TRIOBP: variants seen among roughly 807,000 people sequenced by gnomAD.
TRIOBP encodes the protein TRIO and F-actin-binding protein.
A neutral mutation model predicts 238.8 loss-of-function variants in TRIOBP; 169 were observed. The ratio of observed to expected loss-of-function variants is 0.71; its 90% CI spans 0.62 to 0.80. The LOEUF is 0.80. TRIOBP is among the 30% of genes least tolerant of loss of function. The probability of loss-of-function intolerance (pLI) is 0.00; values close to 1 mark genes in which losing one functional copy is unlikely to be tolerated. For missense variants in TRIOBP, 2,838 were observed against 3,122.6 expected, an observed-to-expected ratio of 0.91 and a Z score of 2.17; for synonymous variants, 1,150 against 1,274.4, an observed-to-expected ratio of 0.90 and a Z score of 2.08.
At chr22:37,714,141 A>G (rs1000549450) in intron 5 of TRIOBP, among the ~76,000 whole-genome samples, 5 of 152,102 alleles carry the variant, frequency 3.3e-5, no homozygotes, top group African/African-American at 1.2e-4. Context: ...GGAGCAACTT[A>G]GTGGAGGCCA....
In TRIOBP at chr22:37,769,431, G is replaced by A. The variant is rs969102844; in HGVS notation, c.6849+56G>A. 20 of 1,484,654 alleles carry A rather than the reference G, an allele frequency of 1.3e-5. No individual in the cohort carries two copies. The African/African-American group carries it at 2.2e-4, about 16-fold the overall frequency. The allele number at this position is 1,484,654 out of a possible 1,614,324, so 92.0% of individuals were successfully genotyped here. On this transcript the variant is annotated intron_variant, in intron 21 of 23. Coordinates refer to ENST00000644935, the MANE Select transcript of TRIOBP (RefSeq NM_001039141.3). ...AGTGGTTCTCGGGGCCCGGGGCTAT[G>A]GGGCACCCCCGCCATAGGCTGGGTA...
intron 3 of TRIOBP, among the ~76,000 whole-genome samples, chr22:37,708,320 G>T (rs1426158477): frequency 8.6e-5 from 13 of 151,676 alleles, no homozygotes; most frequent in Non-Finnish European, 1.9e-4. Context: ...TTTGGCCGAG[G>T]CAGGCAGATC....
rs60933253 is a variant in TRIOBP at position 37,702,987 on chromosome 22, CT to C, written c.114+1516del. Among the ~76,000 whole-genome samples, 1,320 of 151,522 alleles carry C rather than the reference CT, an allele frequency of 8.7e-3. 8 individuals carry two copies. The highest frequency in any genetic ancestry group is 0.023 in the African/African-American group (948 of 41,330). On this transcript the variant is annotated intron_variant, in intron 3 of 23. Transcript: ENST00000644935. ...GTTATTGAAGGAGTGAAGAAGAATC[CT>C]TTTTTTTCTTTCTTTTTTTTTCATT...
chr22:37,727,797 T>C (rs1924245528), intron 7 of TRIOBP, among the ~76,000 whole-genome samples: 1 of 152,216 alleles, frequency 6.6e-6, no homozygotes, highest in South Asian at 2.1e-4. Context: ...TGAGTCTCCT[T>C]GGTCAGCAGC....
At chr22:37,720,268 C>T (rs999887917) in intron 6 of TRIOBP, among the ~76,000 whole-genome samples, 5 of 152,070 alleles carry the variant, frequency 3.3e-5, no homozygotes, top group South Asian at 4.1e-4. Context: ...CCGCCTGCCT[C>T]GGCTTCCCAA....
At chr22:37,741,552 G>C (rs1174191584) in intron 11 of TRIOBP, among the ~76,000 whole-genome samples, 1 of 152,220 alleles carries the variant, frequency 6.6e-6, no homozygotes, top group Non-Finnish European at 1.5e-5. Context: ...TTCACAGCAG[G>C]ACAGAAGGGG....
chr22:37,766,212 G>A (rs1926487662), intron 18 of TRIOBP, among the ~76,000 whole-genome samples: 1 of 152,224 alleles, frequency 6.6e-6, no homozygotes, highest in Non-Finnish European at 1.5e-5. Flanking sequence ...GGGGAGAGCA[G>A]GGGAAGGTGT....
chr22:37,751,666 C>T lies in TRIOBP; in HGVS notation c.5323-106C>T, dbSNP rs539992601. The T allele has an allele frequency of 3.0e-3, 4,020 of 1,337,872 alleles. 6 individuals carry two copies. Among genetic ancestry groups the T allele is most frequent in the Non-Finnish European group, 3.9e-3 (3,702 of 942,688 alleles). 82.9% of individuals were successfully genotyped at this position (1,337,872 alleles called of 1,614,324 possible). ...CCTCTTGGCTGGCTTCCCAGGAGCT[C>T]GGTCCCACAGGACTTGGGGACAGGG... On this transcript the variant is annotated intron_variant, in intron 11 of 23. Coordinates refer to ENST00000644935, the MANE Select transcript of TRIOBP (RefSeq NM_001039141.3).
Position 37,723,362 on chromosome 22 carries a change from C to T in TRIOBP, c.806C>T (p.Ala269Val). The T allele has an allele frequency of 6.2e-7, 1 of 1,614,102 alleles. No individual in the cohort carries two copies. Reference sequence around the variant, plus strand: ...CCTGCCCAAAGGGACACTGCTCAGGCTGCCTCTACACGTGAAATCCCCAGA... The same window carrying T: ...CCTGCCCAAAGGGACACTGCTCAGGTTGCCTCTACACGTGAAATCCCCAGA... ...ASPAQRDTAQAASTREIPRAS... is the reference protein window; with the variant it reads ...ASPAQRDTAQVASTREIPRAS... The change falls in exon 7 of 24, where the codon GCT becomes GTT. Residue 269 changes from alanine (A) to valine (V), a missense_variant. Ala to Val is a moderately conservative substitution (Grantham distance 64). Coordinates refer to ENST00000644935, the MANE Select transcript of TRIOBP (RefSeq NM_001039141.3).
chr22:37,741,674 C>T (rs114884297), intron 11 of TRIOBP, among the ~76,000 whole-genome samples: 86 of 152,326 alleles, frequency 5.6e-4, no homozygotes, highest in African/African-American at 2.0e-3. Context: ...GGCTGGGCAC[C>T]TCAGAGACAG....
chr22:37,747,585 C>G (rs1359166776), intron 11 of TRIOBP, among the ~76,000 whole-genome samples: 1 of 152,224 alleles, frequency 6.6e-6, no homozygotes. Flanking sequence ...CCCTTCCTGT[C>G]GTCAGCAGCC....
Position 37,772,852 on chromosome 22 carries a change from A to C in TRIOBP, c.*2+88A>C, listed in dbSNP as rs1926852915. Reference sequence around the variant, plus strand: ...CTCCCTGGACCACCCCAGCCAGGCCACTTCCTTCTTCTGGCCTCCAATTCC... The same window carrying C: ...CTCCCTGGACCACCCCAGCCAGGCCCCTTCCTTCTTCTGGCCTCCAATTCC... On this transcript the variant is annotated intron_variant, in intron 23 of 23. Transcript: ENST00000644935. 6 of 1,513,878 alleles carry C rather than the reference A, an allele frequency of 4.0e-6. No homozygotes were observed. In the African/African-American group the frequency reaches 6.9e-5, roughly 17 times the overall value. 93.8% of individuals were successfully genotyped at this position (1,513,878 alleles called of 1,614,324 possible). A position where few individuals can be genotyped will look rare whatever the true frequency, so the allele number is the denominator to read the frequency against.
intron 11 of TRIOBP, among the ~76,000 whole-genome samples, chr22:37,742,311 G>A (rs946814616): frequency 7.5e-5 from 11 of 145,802 alleles, no homozygotes; most frequent in Non-Finnish European, 1.6e-4. Context: ...CCCCCAGACT[G>A]GAGTGCAGTG....
rs759462650 is a variant in TRIOBP at position 37,701,407 on chromosome 22, G to A, written c.42G>A (p.Glu14=). The change falls in exon 3 of 24, where the codon GAG becomes GAA. Residue 14 remains glutamate (E), a synonymous_variant. Transcript: ENST00000644935. ...VPGDALCEHF[E]ANILTQNRCQ... ...GGGATGCCCTGTGTGAACACTTTGA[G>A]GCCAACATACTTACCCAGAACCGCT... The A allele has an allele frequency of 2.6e-5, 42 of 1,613,846 alleles. No homozygotes were observed. The South Asian group carries it at 4.3e-4, about 16-fold the overall frequency.
At position 37,769,252 on chromosome 22, in the gene TRIOBP, C is replaced by G. The variant is rs992289407; in HGVS notation, c.6736-10C>G. 2.5e-6 allele frequency: 4 copies of G among 1,608,102 alleles called. No homozygotes were observed. The Admixed American group carries it at 5.0e-5, about 20-fold the overall frequency. On this transcript the variant is annotated splice_polypyrimidine_tract_variant and intron_variant, in intron 20 of 23. Transcript: ENST00000644935. ...CGGCACCCCTCCCCTGACCACCGTG[C>G]CTCTCCCAGGAGCTGCATGGCCGCC...
In TRIOBP at chr22:37,724,553, C is replaced by T; in HGVS notation, c.1997C>T (p.Thr666Ile). The change falls in exon 7 of 24, where the codon ACC becomes ATC. Residue 666 changes from threonine (T) to isoleucine (I), a missense_variant. By Grantham distance (89) the Thr-to-Ile change is moderately conservative. Coordinates refer to ENST00000644935, the MANE Select transcript of TRIOBP (RefSeq NM_001039141.3). ...DDPRASSPNRTIQQENPRTSC... is the reference protein window; with the variant it reads ...DDPRASSPNRIIQQENPRTSC... ...CCCAGAGCCTCCTCTCCTAACAGAA[C>T]CATCCAACAAGAGAACCCCAGAACA... is the stretch of plus-strand genomic sequence containing the variant. 6.3e-7 allele frequency: 1 copy of T among 1,597,944 alleles called. No individual in the cohort carries two copies. Among genetic ancestry groups the T allele is most frequent in the Non-Finnish European group, 8.5e-7 (1 of 1,171,578 alleles).
intron 6 of TRIOBP, among the ~76,000 whole-genome samples, chr22:37,716,574 C>G (rs1200266473): frequency 2.0e-5 from 3 of 152,168 alleles, no homozygotes; most frequent in African/African-American, 7.2e-5. Flanking sequence ...GGATTACAGG[C>G]ACCCGCCACC....
Position 37,735,048 on chromosome 22 carries a change from A to G in TRIOBP, c.4712A>G (p.Glu1571Gly), listed in dbSNP as rs760263878. Residue 1571 changes from glutamate to glycine, a missense_variant, in exon 9 of 24, where the codon GAG (glutamate) becomes GGG (glycine). By Grantham distance (98) the Glu-to-Gly change is moderately conservative. Coordinates refer to ENST00000644935, the MANE Select transcript of TRIOBP (RefSeq NM_001039141.3). The part of the protein sequence containing the change: ...DLLGLLRAPG[E>G]GVWARVPSLD... ...CTTGGCCTTCTCCGGGCACCAGGAG[A>G]GGGGGTCTGGGCCCGTGTCCCCAGC... 3.1e-6 allele frequency: 5 copies of G among 1,607,700 alleles called. No homozygotes were observed. The highest frequency in any genetic ancestry group is 4.3e-6 in the Non-Finnish European group (5 of 1,175,844).
intron 11 of TRIOBP, among the ~76,000 whole-genome samples, chr22:37,748,328 A>G (rs1222182979): frequency 2.0e-5 from 3 of 152,206 alleles, no homozygotes; most frequent in South Asian, 4.1e-4. Flanking sequence ...TCAGGGATCC[A>G]TACAGAGCAA....
Sources: gnomAD v4.1 joint callset for allele counts (sites outside exome capture counted in the v4.1 genomes callset) on GRCh38, gnomAD v4.1.1 for gene constraint, MANE v1.5 for transcripts, NCBI Gene and HGNC (gene_info 2026-07-23, HGNC 2026-07-21) for gene names.